The following NELL2 variants were observed in gnomAD, a reference collection of about 807,000 sequenced individuals.
The protein encoded by NELL2 is protein kinase C-binding protein NELL2.
A neutral mutation model predicts 109.6 loss-of-function variants in NELL2; 41 were observed. That is an observed-to-expected ratio of 0.37 (90% CI 0.29 to 0.49). NELL2 has a LOEUF of 0.49. Among genes scored for constraint, NELL2 ranks in the 20% least tolerant of loss-of-function variants. The probability of loss-of-function intolerance (pLI) is 0.98; values close to 1 mark genes in which losing one functional copy is unlikely to be tolerated. For synonymous variants in NELL2, 355 were observed against 344.7 expected, an observed-to-expected ratio of 1.03 and a Z score of -0.33; for missense variants, 900 against 1,008.3, an observed-to-expected ratio of 0.89 and a Z score of 1.45.
At chr12:44,749,827 A>C in intron 9 of NELL2, among the ~76,000 whole-genome samples, 1 of 152,166 alleles carries the variant, frequency 6.6e-6, no homozygotes, top group East Asian at 1.9e-4. Flanking sequence ...AGAAACAGAC[A>C]CAATGTAAGA....
intron 2 of NELL2, among the ~76,000 whole-genome samples, chr12:44,844,420 C>G (rs958359796): frequency 2.6e-5 from 4 of 152,110 alleles, no homozygotes; most frequent in African/African-American, 9.7e-5. Flanking sequence ...TTACGGAGAA[C>G]AAAGGAATCT....
chr12:44,673,081 A>G (rs776355922), intron 12 of NELL2, among the ~76,000 whole-genome samples: 1 of 152,224 alleles, frequency 6.6e-6, no homozygotes, highest in Non-Finnish European at 1.5e-5. Flanking sequence ...CGAAGTAAAA[A>G]TAGCAAAAAA....
chr12:44,768,843 A>G (rs897116099), intron 9 of NELL2, among the ~76,000 whole-genome samples: 1 of 152,104 alleles, frequency 6.6e-6, no homozygotes, highest in Non-Finnish European at 1.5e-5. Context: ...CAACTAATTT[A>G]TAATTGTGTT....
intron 15 of NELL2, among the ~76,000 whole-genome samples, chr12:44,563,160 T>C (rs1487378034): frequency 2.0e-5 from 3 of 151,988 alleles, no homozygotes; most frequent in Non-Finnish European, 4.4e-5. Context: ...CTGGGGCCTG[T>C]CATGGGGATT....
intron 19 of NELL2, among the ~76,000 whole-genome samples, chr12:44,509,658 C>T (rs1940896293): frequency 6.6e-6 from 1 of 152,092 alleles, no homozygotes; most frequent in South Asian, 2.1e-4. Context: ...CTGCCAGGGT[C>T]TGGATCTTGG....
At chr12:44,789,858 C>T (rs1942315337) in intron 3 of NELL2, among the ~76,000 whole-genome samples, 1 of 152,002 alleles carries the variant, frequency 6.6e-6, no homozygotes, top group Non-Finnish European at 1.5e-5. Context: ...TAGAACTGAA[C>T]AAGTAGAAGA....
chr12:44,520,903 AAACT>A (rs1424418353), intron 18 of NELL2, among the ~76,000 whole-genome samples: 1 of 152,230 alleles, frequency 6.6e-6, no homozygotes, highest in Non-Finnish European at 1.5e-5. Context: ...TCGGGCACAG[AAACT>A]GACCTTGCTC....
chr12:44,848,942 C>A (rs1408722451), intron 2 of NELL2, among the ~76,000 whole-genome samples: 1 of 152,170 alleles, frequency 6.6e-6, no homozygotes, highest in Admixed American at 6.5e-5. Context: ...GACCTCAGTA[C>A]CCCTCATAAT....
At chr12:44,591,271 C>T (rs1340350899) in intron 15 of NELL2, among the ~76,000 whole-genome samples, 1 of 152,150 alleles carries the variant, frequency 6.6e-6, no homozygotes, top group Non-Finnish European at 1.5e-5. Context: ...AATCCCATGA[C>T]TGGGTATTTA....
chr12:44,911,083 C>T (rs1945774863), intron 1 of NELL2, among the ~76,000 whole-genome samples: 1 of 152,020 alleles, frequency 6.6e-6, no homozygotes, highest in Admixed American at 6.6e-5. Context: ...ATGCATATCT[C>T]AGCATCATGC....
At chr12:44,652,295 C>G (rs969599100) in intron 13 of NELL2, among the ~76,000 whole-genome samples, 1 of 152,060 alleles carries the variant, frequency 6.6e-6, no homozygotes, top group African/African-American at 2.4e-5. Flanking sequence ...AAAAAAAGAG[C>G]AGATGAGACA....
At chr12:44,528,596 T>C (rs1418113209) in intron 16 of NELL2, among the ~76,000 whole-genome samples, 2 of 152,260 alleles carry the variant, frequency 1.3e-5, no homozygotes, top group East Asian at 3.8e-4. Flanking sequence ...TCATCTACTA[T>C]GTGCCAGACA....
At chr12:44,868,672 T>A (rs1476359135) in intron 2 of NELL2, among the ~76,000 whole-genome samples, 1 of 152,176 alleles carries the variant, frequency 6.6e-6, no homozygotes, top group Non-Finnish European at 1.5e-5. Flanking sequence ...CACTTATATG[T>A]GGGACCTTAA....
intron 15 of NELL2, among the ~76,000 whole-genome samples, chr12:44,599,098 C>A (rs913003195): frequency 1.3e-5 from 2 of 152,132 alleles, no homozygotes; most frequent in African/African-American, 4.8e-5. Flanking sequence ...TGTAATACCC[C>A]TGCTACACCT....
intron 9 of NELL2, among the ~76,000 whole-genome samples, chr12:44,762,421 C>T (rs534212175): frequency 3.3e-5 from 5 of 152,160 alleles, no homozygotes; most frequent in Admixed American, 2.6e-4. Flanking sequence ...AAATATAGTA[C>T]ATCCAAAACC....
At chr12:44,557,321 A>G (rs1428635467) in intron 15 of NELL2, among the ~76,000 whole-genome samples, 1 of 152,236 alleles carries the variant, frequency 6.6e-6, no homozygotes, top group African/African-American at 2.4e-5. Context: ...AACAAAAAGC[A>G]TCAAAATTCT....
intron 14 of NELL2, among the ~76,000 whole-genome samples, chr12:44,609,953 T>C (rs775910708): frequency 3.3e-5 from 5 of 151,988 alleles, no homozygotes; most frequent in African/African-American, 9.7e-5. Flanking sequence ...TTATAAGGGA[T>C]GTAAATGTTA....
intron 9 of NELL2, among the ~76,000 whole-genome samples, chr12:44,774,327 T>G (rs1941665573): frequency 6.6e-6 from 1 of 152,206 alleles, no homozygotes; most frequent in Admixed American, 6.5e-5. Context: ...TATAATAATG[T>G]GGACTTCTGT....
At chr12:44,618,695 T>G (rs932736692) in intron 13 of NELL2, among the ~76,000 whole-genome samples, 1 of 152,174 alleles carries the variant, frequency 6.6e-6, no homozygotes, top group Non-Finnish European at 1.5e-5. Flanking sequence ...AGGAACTTCT[T>G]AATTATTCAA....
Sources: allele counts gnomAD v4.1 joint callset (sites outside exome capture counted in the v4.1 genomes callset), GRCh38; gene constraint gnomAD v4.1.1; transcripts MANE v1.5; gene names NCBI Gene and HGNC (gene_info 2026-07-23, HGNC 2026-07-21).